TMEM132C: variants seen among roughly 807,000 people sequenced by gnomAD.
TMEM132C encodes protein phosphatase 1, regulatory subunit 152.
In TMEM132C, 29 loss-of-function variants were observed where a neutral mutation model predicts 61.4. The observed-to-expected ratio is 0.47, with a 90% confidence interval of 0.35 to 0.64. The LOEUF is 0.64. Ranked by LOEUF, TMEM132C falls within the 30% of genes least tolerant of loss-of-function variation. TMEM132C has a pLI of 0.00. For missense variants in TMEM132C, 1,408 were observed against 1,476.9 expected (o/e 0.95, Z 0.76); for synonymous variants, 656 against 633.1 (o/e 1.04, Z -0.54).
intron 5 of TMEM132C, among the ~76,000 whole-genome samples, chr12:128,690,752 A>G (rs1431017597): frequency 6.6e-6 from 1 of 152,182 alleles, no homozygotes; most frequent in African/African-American, 2.4e-5. Context: ...ACCACTCTTG[A>G]CCATGAATGA....
chr12:128,616,478 AGTT>A, intron 4 of TMEM132C, 143 bp downstream of exon 4: 1 of 898,480 alleles, frequency 1.1e-6, no homozygotes. Context: ...TCACCCTGGA[AGTT>A]GTTACTTTTC....
chr12:128,648,142 G>C (rs1174185029), intron 4 of TMEM132C, among the ~76,000 whole-genome samples: 4 of 151,792 alleles, frequency 2.6e-5, no homozygotes, highest in Non-Finnish European at 5.9e-5. Context: ...CGTTGGATGT[G>C]AGTGTGTTTA....
intron 1 of TMEM132C, among the ~76,000 whole-genome samples, chr12:128,410,715 T>C (rs75021540): frequency 0.016 from 2,398 of 152,234 alleles, 73 homozygotes; most frequent in African/African-American, 0.055. Flanking sequence ...TGAATATGTG[T>C]TTTTTAAAAT....
intron 2 of TMEM132C, among the ~76,000 whole-genome samples, chr12:128,473,354 T>G (rs1351943852): frequency 1.7e-5 from 2 of 120,866 alleles, no homozygotes; most frequent in Non-Finnish European, 3.5e-5. Flanking sequence ...TTCTTCATCT[T>G]CACTCCAGCC....
At chr12:128,581,587 G>T (rs78266330) in intron 3 of TMEM132C, among the ~76,000 whole-genome samples, 2 of 152,262 alleles carry the variant, frequency 1.3e-5, no homozygotes, top group African/African-American at 2.4e-5. Context: ...TGCAAAGTTC[G>T]CCATGATAAT....
chr12:128,340,916 TTCTCTCTCTCTCTC>T (rs71989914), intron 1 of TMEM132C, among the ~76,000 whole-genome samples: 7 of 128,270 alleles, frequency 5.5e-5, no homozygotes, highest in Non-Finnish European at 7.8e-5. Flanking sequence ...CTCTCTCTCT[TTCTCTCTCTCTCTC>T]TCTCTCTCTC....
intron 1 of TMEM132C, among the ~76,000 whole-genome samples, chr12:128,334,301 C>T (rs184622032): frequency 2.6e-5 from 4 of 152,246 alleles, no homozygotes; most frequent in East Asian, 1.9e-4. Context: ...AGACCGCCAC[C>T]GCCCACCCAC....
intron 2 of TMEM132C, among the ~76,000 whole-genome samples, chr12:128,428,766 ACC>A (rs1869282984): frequency 6.6e-6 from 1 of 152,130 alleles, no homozygotes; most frequent in Admixed American, 6.5e-5. Context: ...CAAATCCTGC[ACC>A]TACAGTTTTC....
rs376548175 is a variant in TMEM132C at position 128,619,920 on chromosome 12, C to G, written c.1305+3585C>G. On this transcript the variant is annotated intron_variant, in intron 4 of 8. Transcript: ENST00000435159. Reference sequence around the variant, plus strand: ...TTTCTGTATGCGAGTGGCTGGGGTGCTGGTCTCTTTTTAAGAATAAATGGA... The same window carrying G: ...TTTCTGTATGCGAGTGGCTGGGGTGGTGGTCTCTTTTTAAGAATAAATGGA... Among the ~76,000 whole-genome samples, 188 of 152,266 alleles carry G rather than the reference C, an allele frequency of 1.2e-3. 3 individuals carry two copies. In the East Asian group the frequency reaches 0.032, roughly 26 times the overall value.
intron 2 of TMEM132C, among the ~76,000 whole-genome samples, chr12:128,490,143 C>T (rs892959539): frequency 3.3e-5 from 5 of 152,118 alleles, no homozygotes; most frequent in Admixed American, 2.6e-4. Flanking sequence ...GGGAAGGAGG[C>T]CCTTATGTCG....
intron 1 of TMEM132C, among the ~76,000 whole-genome samples, chr12:128,303,285 T>G (rs977127328): frequency 6.6e-6 from 1 of 152,174 alleles, no homozygotes; most frequent in Non-Finnish European, 1.5e-5. Flanking sequence ...TGAGTCCAAA[T>G]TTTAGTGTCT....
At chr12:128,382,992 ATGTATCTGTGAGTGCGTCTG>A (rs1874456663) in intron 1 of TMEM132C, among the ~76,000 whole-genome samples, 2 of 151,432 alleles carry the variant, frequency 1.3e-5, no homozygotes, top group Non-Finnish European at 2.9e-5. Context: ...CTGTGTCTGT[ATGTATCTGTGAGTGCGTCTG>A]TGTATCTGTG....
At chr12:128,691,854 C>T (rs1334131497) in intron 5 of TMEM132C, among the ~76,000 whole-genome samples, 2 of 150,518 alleles carry the variant, frequency 1.3e-5, no homozygotes, top group East Asian at 2.0e-4. Flanking sequence ...ATTTGTCCAC[C>T]ACCCATTCAC....
intron 4 of TMEM132C, among the ~76,000 whole-genome samples, chr12:128,635,132 A>G (rs571154115): frequency 6.6e-6 from 1 of 152,334 alleles, no homozygotes; most frequent in East Asian, 1.9e-4. Context: ...TTCACTTACA[A>G]ATGTGTTCCT....
chr12:128,650,889 A>G (rs11059805), intron 4 of TMEM132C, among the ~76,000 whole-genome samples: 9,014 of 152,184 alleles, frequency 0.059, 308 homozygotes, highest in Non-Finnish European at 0.067. Flanking sequence ...AATTCCACCA[A>G]CTGGAGTGGT....
chr12:128,354,600 T>C lies in TMEM132C; in HGVS notation c.86-60132T>C, dbSNP rs531690449. Among the ~76,000 whole-genome samples, 3 of 152,152 alleles carry C rather than the reference T, an allele frequency of 2.0e-5. No individual in the cohort carries two copies. In the South Asian group the frequency reaches 6.3e-4, roughly 32 times the overall value. Reference sequence around the variant, plus strand: ...GTGTCTAAATTCAAAACCACAGCTTTCTCTGGGATTCCACCAAGAATAGAA... The same window carrying C: ...GTGTCTAAATTCAAAACCACAGCTTCCTCTGGGATTCCACCAAGAATAGAA... On this transcript the variant is annotated intron_variant, in intron 1 of 8. Coordinates refer to ENST00000435159, the MANE Select transcript of TMEM132C (RefSeq NM_001136103.3).
chr12:128,321,756 G>C (rs180876326), intron 1 of TMEM132C, among the ~76,000 whole-genome samples: 1 of 152,204 alleles, frequency 6.6e-6, no homozygotes, highest in Admixed American at 6.5e-5. Flanking sequence ...ACTGGGTAGA[G>C]AGTCCATGAG....
At chr12:128,502,741 AC>A (rs1226938004) in intron 2 of TMEM132C, among the ~76,000 whole-genome samples, 3 of 152,140 alleles carry the variant, frequency 2.0e-5, no homozygotes, top group Non-Finnish European at 4.4e-5. Flanking sequence ...GTCAGGAATA[AC>A]CTTGCCCTTT....
intron 1 of TMEM132C, among the ~76,000 whole-genome samples, chr12:128,379,507 C>T (rs1311228477): frequency 2.0e-5 from 3 of 152,206 alleles, no homozygotes; most frequent in African/African-American, 7.2e-5. Context: ...ATCTGAGCTG[C>T]ACCCACTCCA....
Sources: allele counts gnomAD v4.1 joint callset (sites outside exome capture counted in the v4.1 genomes callset), GRCh38; gene constraint gnomAD v4.1.1; transcripts MANE v1.5; gene names NCBI Gene and HGNC (gene_info 2026-07-23, HGNC 2026-07-21).